NBAS: variants seen among roughly 807,000 people sequenced by gnomAD.
NBAS encodes the protein NAG/BC035112 fusion.
Under a neutral mutation model 302.5 loss-of-function variants are expected in NBAS, and 219 were observed. The observed-to-expected ratio is 0.72, with a 90% CI of 0.65 to 0.81. The LOEUF is 0.81. NBAS is among the 30% of genes least tolerant of loss of function. The pLI, the probability that NBAS is intolerant of heterozygous loss-of-function variation, is 0.00. For synonymous variants in NBAS, 1,118 were observed against 1,021.6 expected, an observed-to-expected ratio of 1.09 and a Z score of -1.80; for missense variants, 2,932 against 2,841.6, an observed-to-expected ratio of 1.03 and a Z score of -0.72.
intron 10 of NBAS, among the ~76,000 whole-genome samples, chr2:15,509,369 A>G (rs1431120663): frequency 6.6e-6 from 1 of 152,176 alleles, no homozygotes; most frequent in East Asian, 1.9e-4. Context: ...GAGAGAATAA[A>G]GGGCTGATAG....
At chr2:15,266,398 T>G (rs1277870962) in intron 44 of NBAS, among the ~76,000 whole-genome samples, 2 of 152,078 alleles carry the variant, frequency 1.3e-5, no homozygotes, top group Non-Finnish European at 2.9e-5. Context: ...TACATTTTTC[T>G]TGTCTGTCTG....
At chr2:14,832,755 G>C in the NBAS span, among the ~76,000 whole-genome samples, 2 of 152,188 alleles carry the variant, frequency 1.3e-5, no homozygotes, top group African/African-American at 4.8e-5. Context: ...TTCTACACTA[G>C]GGTTTCTCGA....
the NBAS span, among the ~76,000 whole-genome samples, chr2:14,880,010 G>T: frequency 6.6e-6 from 1 of 152,200 alleles, no homozygotes; most frequent in Admixed American, 6.5e-5. Context: ...AAAAACACCA[G>T]TTCTGGAGCA....
intron 44 of NBAS, among the ~76,000 whole-genome samples, chr2:15,268,794 T>C (rs749356422): frequency 2.0e-5 from 3 of 152,152 alleles, no homozygotes; most frequent in Admixed American, 6.5e-5. Context: ...AAAGCTGGTA[T>C]TTTCCTTTCT....
At chr2:15,532,208 G>A (rs1367627019) in intron 9 of NBAS, among the ~76,000 whole-genome samples, 1 of 151,996 alleles carries the variant, frequency 6.6e-6, no homozygotes, top group Non-Finnish European at 1.5e-5. Context: ...TCATACTATA[G>A]GACAGGCATG....
chr2:15,356,442 T>C (rs2148312837), intron 32 of NBAS, 26 bp from the exon 33 acceptor site: 9 of 1,515,460 alleles, frequency 5.9e-6, no homozygotes, highest in Non-Finnish European at 7.3e-6. Context: ...AAGGACTTAA[T>C]GATTATGACA....
At chr2:15,550,773 G>T (rs923129557) in intron 6 of NBAS, among the ~76,000 whole-genome samples, 8 of 151,954 alleles carry the variant, frequency 5.3e-5, no homozygotes, top group Non-Finnish European at 8.8e-5. Flanking sequence ...TTTTAGTAGA[G>T]ACGGGGTTTC....
chr2:15,501,769 T>A, intron 11 of NBAS, among the ~76,000 whole-genome samples: 1 of 143,294 alleles, frequency 7.0e-6, no homozygotes, highest in African/African-American at 2.5e-5. Context: ...TAAGAGGAAC[T>A]TTTTTTTTTT....
chr2:15,310,850 C>A (rs1348750311), intron 38 of NBAS, among the ~76,000 whole-genome samples: 1 of 152,206 alleles, frequency 6.6e-6, no homozygotes, highest in Non-Finnish European at 1.5e-5. Context: ...CAATCGTTTC[C>A]ATGTCTGTGT....
the NBAS span, among the ~76,000 whole-genome samples, chr2:14,995,647 C>T: frequency 6.6e-6 from 1 of 152,352 alleles, no homozygotes; most frequent in Admixed American, 6.5e-5. Flanking sequence ...CTCAGGCTGA[C>T]TTGACACTAG....
At chr2:15,328,735 C>T (rs1208439868) in intron 36 of NBAS, among the ~76,000 whole-genome samples, 1 of 152,218 alleles carries the variant, frequency 6.6e-6, no homozygotes, top group African/African-American at 2.4e-5. Context: ...AAACAACCAA[C>T]AGCCGAACAA....
At chr2:15,429,190 A>G (rs1169714369) in intron 21 of NBAS, among the ~76,000 whole-genome samples, 1 of 152,198 alleles carries the variant, frequency 6.6e-6, no homozygotes, top group East Asian at 1.9e-4. Context: ...GTGACTCTCT[A>G]AAATGAAGGG....
intron 25 of NBAS, among the ~76,000 whole-genome samples, chr2:15,410,016 C>T (rs1266310710): frequency 6.6e-6 from 1 of 152,104 alleles, no homozygotes; most frequent in Non-Finnish European, 1.5e-5. Context: ...TTTGACTGCT[C>T]AGAAAGAAAC....
intron 45 of NBAS, 121 bp from the exon 46 acceptor site, chr2:15,234,868 A>G (rs1036110839): frequency 1.0e-6 from 1 of 988,310 alleles, no homozygotes; most frequent in Admixed American, 1.9e-5. Flanking sequence ...ACACCATACC[A>G]AAGGGCATGT....
chr2:15,338,577 A>G (rs1172990672), intron 35 of NBAS, among the ~76,000 whole-genome samples: 1 of 152,004 alleles, frequency 6.6e-6, no homozygotes, highest in Non-Finnish European at 1.5e-5. Flanking sequence ...ATGTTTAGGG[A>G]CCATGGACTC....
At chr2:15,047,004 C>G in the NBAS span, among the ~76,000 whole-genome samples, 3 of 152,144 alleles carry the variant, frequency 2.0e-5, no homozygotes, top group Admixed American at 2.0e-4. Flanking sequence ...ACTGCTAGGC[C>G]AGGCAGATGG....
At chr2:14,871,909 A>G in the NBAS span, among the ~76,000 whole-genome samples, 23 of 152,182 alleles carry the variant, frequency 1.5e-4, no homozygotes, top group African/African-American at 5.1e-4. Context: ...CATTAGATAT[A>G]AATTATCTAA....
At chr2:14,983,741 G>A in the NBAS span, among the ~76,000 whole-genome samples, 2 of 152,200 alleles carry the variant, frequency 1.3e-5, no homozygotes, top group East Asian at 1.9e-4. Context: ...ATAGAAGAAA[G>A]TACTCCAGGT....
chr2:14,791,681 G>T, the NBAS span, among the ~76,000 whole-genome samples: 1 of 151,896 alleles, frequency 6.6e-6, no homozygotes, highest in African/African-American at 2.4e-5. Flanking sequence ...GCGTGTGCCT[G>T]TAGTCCCAGC....
Sources: allele counts gnomAD v4.1 joint callset (sites outside exome capture counted in the v4.1 genomes callset), GRCh38; gene constraint gnomAD v4.1.1; transcripts MANE v1.5; gene names NCBI Gene and HGNC (gene_info 2026-07-23, HGNC 2026-07-21).